The following IQSEC1 variants were observed in gnomAD, a reference collection of about 807,000 sequenced individuals.
IQSEC1 encodes the protein IQ motif and SEC7 domain-containing protein 1.
A neutral mutation model predicts 91.0 loss-of-function variants in IQSEC1; 31 were observed. The observed-to-expected ratio is 0.34, with a 90% CI of 0.26 to 0.46. IQSEC1 has a LOEUF of 0.46. IQSEC1 is among the 20% of genes least tolerant of loss of function. The pLI is 1.00. For synonymous variants in IQSEC1, 699 were observed against 662.6 expected (o/e 1.05, Z -0.84); for missense variants, 1,388 against 1,575.6 (o/e 0.88, Z 2.02).
At chr3:12,999,173 C>T (rs995057826) in intron 1 of IQSEC1, among the ~76,000 whole-genome samples, 1 of 152,110 alleles carries the variant, frequency 6.6e-6, no homozygotes, top group Non-Finnish European at 1.5e-5. Context: ...GGCAGGTGTC[C>T]CTTCTGAGCC....
rs544944390 is a variant in IQSEC1 at position 13,236,765 on chromosome 3, G to A, written c.272+45946C>T. Among the ~76,000 whole-genome samples the A allele has an allele frequency of 5.9e-5, 9 of 152,326 alleles. No individual in the cohort carries two copies. The South Asian group carries it at 8.3e-4, about 14-fold the overall frequency. ...GGTGGGCTCGCTGCCATCAGTCTAC[G>A]CATCATCTACGCTGCCATCAGCCTC... On this transcript the variant is annotated intron_variant, in intron 1 of 15. Transcript: ENST00000648114.
chr3:13,164,527 G>A (rs1029904999), intron 1 of IQSEC1, among the ~76,000 whole-genome samples: 2 of 152,210 alleles, frequency 1.3e-5, no homozygotes, highest in African/African-American at 4.8e-5. Context: ...GAATGAATAA[G>A]TGAGAGCGGT....
intron 1 of IQSEC1, among the ~76,000 whole-genome samples, chr3:13,041,604 G>A (rs1036386993): frequency 4.6e-5 from 7 of 152,124 alleles, no homozygotes; most frequent in African/African-American, 1.2e-4. Flanking sequence ...CTGCTGGCCC[G>A]GATGTGGTTC....
Position 12,994,894 on chromosome 3 carries a change from G to C in IQSEC1, c.24-53029C>G, listed in dbSNP as rs1394710916. The stretch of plus-strand genomic sequence containing the variant: ...CACAATCGGAAGGGAGCCCAAAGAC[G>C]GGGAAGAAGTGGCGCAGATAGCAGA... On this transcript the variant is annotated intron_variant, in intron 1 of 13. Transcript: ENST00000613206. The surrounding 1 kb of genome is among the most constrained non-coding windows in gnomAD (Gnocchi z 4.5). 1.3e-5 allele frequency: 2 copies of C among 152,776 alleles called. No homozygotes were observed. Among genetic ancestry groups the C allele is most frequent in the Non-Finnish European group, 2.9e-5 (2 of 68,450 alleles). The allele number at this position is 152,776 out of a possible 1,614,324, so 9.5% of individuals were successfully genotyped here.
intron 1 of IQSEC1, among the ~76,000 whole-genome samples, chr3:13,057,582 C>G (rs1317859353): frequency 6.6e-6 from 1 of 152,246 alleles, no homozygotes; most frequent in Non-Finnish European, 1.5e-5. Context: ...CCCACTGTCC[C>G]CAGCCCTGGT....
intron 1 of IQSEC1, among the ~76,000 whole-genome samples, chr3:13,268,768 T>C (rs1695542508): frequency 6.6e-6 from 1 of 152,184 alleles, no homozygotes; most frequent in South Asian, 2.1e-4. Context: ...CAATCGTCGA[T>C]TCATTCAAAA....
chr3:13,144,230 G>A (rs1692163374), intron 2 of IQSEC1, among the ~76,000 whole-genome samples: 2 of 152,222 alleles, frequency 1.3e-5, no homozygotes, highest in Admixed American at 1.3e-4. Flanking sequence ...CTCAGGACAT[G>A]GAGGGAACTA....
chr3:12,900,861 G>C lies in IQSEC1; in HGVS notation c.*122C>G, dbSNP rs992731335. 6.5e-7 allele frequency: 1 copy of C among 1,530,320 alleles called. No individual in the cohort carries two copies. Among genetic ancestry groups the C allele is most frequent in the Non-Finnish European group, 8.7e-7 (1 of 1,144,056 alleles). The allele number at this position is 1,530,320 out of a possible 1,614,324, so 94.8% of individuals were successfully genotyped here. A position where few individuals can be genotyped will look rare whatever the true frequency, so the allele number is the denominator to read the frequency against. ...TCCTGGGGCTCCGGTTGGGCCGTGA[G>C]GGGCAGAGGGGAGAGATGGCAACAG... On this transcript the variant is annotated 3_prime_UTR_variant, in exon 14 of 14. Transcript: ENST00000613206.
intron 1 of IQSEC1, among the ~76,000 whole-genome samples, chr3:13,060,269 G>C (rs1215668292): frequency 1.3e-5 from 2 of 152,194 alleles, no homozygotes; most frequent in African/African-American, 4.8e-5. Context: ...GAAATGGTCT[G>C]TGCATGTTGG....
At chr3:13,163,198 T>C (rs969622847) in intron 2 of IQSEC1, among the ~76,000 whole-genome samples, 12 of 151,936 alleles carry the variant, frequency 7.9e-5, no homozygotes, top group Non-Finnish European at 1.6e-4. Context: ...GGATGCAGCC[T>C]CCCCCAGATC....
upstream of IQSEC1, among the ~76,000 whole-genome samples, chr3:13,077,330 G>A (rs1203674424): frequency 6.6e-6 from 1 of 152,190 alleles, no homozygotes; most frequent in African/African-American, 2.4e-5. Context: ...CACCACCTCT[G>A]TTAAATCCCC....
At chr3:13,114,906 A>C (rs1277177991) in intron 2 of IQSEC1, among the ~76,000 whole-genome samples, 5 of 152,140 alleles carry the variant, frequency 3.3e-5, no homozygotes, top group Admixed American at 3.3e-4. Context: ...GTGGCATTTC[A>C]GCCAGTGCGG....
chr3:13,013,603 T>C (rs1347341521), intron 1 of IQSEC1, among the ~76,000 whole-genome samples: 1 of 152,182 alleles, frequency 6.6e-6, no homozygotes, highest in African/African-American at 2.4e-5. Context: ...TACCCCTCCT[T>C]GCGCCCATCT....
chr3:13,186,723 G>A (rs1693937721), intron 1 of IQSEC1, among the ~76,000 whole-genome samples: 1 of 152,084 alleles, frequency 6.6e-6, no homozygotes, highest in Non-Finnish European at 1.5e-5. Flanking sequence ...TGAACATGGT[G>A]GAATGCGGTT....
At chr3:13,108,931 G>A (rs1452204895) in intron 2 of IQSEC1, among the ~76,000 whole-genome samples, 1 of 152,222 alleles carries the variant, frequency 6.6e-6, no homozygotes, top group Non-Finnish European at 1.5e-5. Flanking sequence ...GGCAAATGCG[G>A]TAAACAGTGG....
rs142159281 is a variant in IQSEC1, at chr3:13,058,203, G to A, written c.23+14789C>T. ...TATGAGAATTGCTTGAACCTGGTGGGCGGAGGTTGCAGTGAGCCGAGATGG... is the reference window on the plus strand; with the variant it reads ...TATGAGAATTGCTTGAACCTGGTGGACGGAGGTTGCAGTGAGCCGAGATGG... On this transcript the variant is annotated intron_variant, in intron 1 of 13. Coordinates refer to ENST00000613206, the MANE Select transcript of IQSEC1 (RefSeq NM_001134382.3). 5.2e-3 allele frequency among the ~76,000 whole-genome samples: 797 copies of A among 152,350 alleles called. 7 individuals carry two copies. Among genetic ancestry groups the A allele is most frequent in the African/African-American group, 0.017 (688 of 41,562 alleles).
Position 12,899,327 on chromosome 3 carries a change from C to T in IQSEC1, c.*1656G>A, listed in dbSNP as rs1456206896. On this transcript the variant is annotated 3_prime_UTR_variant, in exon 14 of 14. Coordinates refer to ENST00000613206, the MANE Select transcript of IQSEC1 (RefSeq NM_001134382.3). ...GGCCCGCAGAGTCAGGCGTGAGCTT[C>T]GCCCTTTCTGAAAGGGCCTCCGCCT... The T allele has an allele frequency of 2.5e-5, 39 of 1,570,938 alleles. No individual in the cohort carries two copies. Among genetic ancestry groups the T allele is most frequent in the East Asian group, 6.8e-5 (3 of 43,984 alleles).
At chr3:12,968,007 C>T (rs546109713) in intron 1 of IQSEC1, among the ~76,000 whole-genome samples, 3 of 152,342 alleles carry the variant, frequency 2.0e-5, no homozygotes, top group East Asian at 1.9e-4. Flanking sequence ...CAGGTCCCAG[C>T]GCGCGAAGCC....
chr3:12,933,687 A>C (rs1697911006), intron 3 of IQSEC1, among the ~76,000 whole-genome samples: 1 of 152,242 alleles, frequency 6.6e-6, no homozygotes, highest in African/African-American at 2.4e-5. Context: ...AAGCCAGGCA[A>C]GCAAGCCCCA....
Sources: allele counts gnomAD v4.1 joint callset (sites outside exome capture counted in the v4.1 genomes callset), GRCh38; gene constraint gnomAD v4.1.1; non-coding constraint Gnocchi (gnomAD v3.1); transcripts MANE v1.5; gene names NCBI Gene and HGNC (gene_info 2026-07-23, HGNC 2026-07-21).